The following PARD3B variants were observed in gnomAD, a reference collection of about 807,000 sequenced individuals.
PARD3B encodes the protein partitioning defective 3 homolog B.
PARD3B carries 103 observed loss-of-function variants against 130.2 expected under a neutral mutation model. The ratio of observed to expected loss-of-function variants is 0.79; its 90% CI spans 0.67 to 0.93. PARD3B has a LOEUF of 0.93. PARD3B is among the 40% of genes least tolerant of loss of function. The probability of loss-of-function intolerance (pLI) is 0.00; values close to 1 mark genes in which losing one functional copy is unlikely to be tolerated. For missense variants in PARD3B, 1,609 were observed against 1,499.2 expected (o/e 1.07, Z -1.21); for synonymous variants, 583 against 553.2 (o/e 1.05, Z -0.76).
Position 204,770,808 on chromosome 2 carries a change from T to C in PARD3B, c.222+84526T>C, listed in dbSNP as rs1248324242. ...CCCACCTTCCACCTGTATTAACACC[T>C]GACAGGCACTTATTTCCCTATCAGG... is the stretch of plus-strand genomic sequence containing the variant. On this transcript the variant is annotated intron_variant, in intron 2 of 22. Transcript: ENST00000406610. Among the ~76,000 whole-genome samples the C allele has an allele frequency of 3.9e-5, 6 of 152,036 alleles. No homozygotes were observed. In the East Asian group the frequency reaches 1.2e-3, roughly 29 times the overall value.
intron 3 of PARD3B, among the ~76,000 whole-genome samples, chr2:205,007,543 G>C (rs540748363): frequency 2.4e-4 from 36 of 152,256 alleles, no homozygotes; most frequent in African/African-American, 8.2e-4. Context: ...CTATGTGCCT[G>C]TTTTTATACC....
At chr2:205,363,136 C>G (rs1277633663) in intron 18 of PARD3B, among the ~76,000 whole-genome samples, 2 of 152,156 alleles carry the variant, frequency 1.3e-5, no homozygotes, top group African/African-American at 4.8e-5. Context: ...AAATCAAGCA[C>G]AGGAAGCCAT....
chr2:204,982,781 C>T (rs913191747), intron 3 of PARD3B, among the ~76,000 whole-genome samples: 2 of 152,244 alleles, frequency 1.3e-5, no homozygotes, highest in South Asian at 2.1e-4. Flanking sequence ...CATGTACTCA[C>T]GCTTAAATTG....
chr2:204,722,866 C>A (rs1353589731), intron 2 of PARD3B, among the ~76,000 whole-genome samples: 1 of 151,930 alleles, frequency 6.6e-6, no homozygotes. Flanking sequence ...CTGGCTCTCA[C>A]TTCCACCTTC....
chr2:205,340,246 A>C (rs763121920), intron 18 of PARD3B, among the ~76,000 whole-genome samples: 1 of 152,170 alleles, frequency 6.6e-6, no homozygotes, highest in African/African-American at 2.4e-5. Flanking sequence ...TAAATGAAAT[A>C]GAAAAATTCC....
chr2:204,811,804 A>G (rs1404664132), intron 2 of PARD3B, among the ~76,000 whole-genome samples: 2 of 152,066 alleles, frequency 1.3e-5, no homozygotes, highest in African/African-American at 4.8e-5. Context: ...GTCTGCTATC[A>G]TCTACATTAA....
intron 2 of PARD3B, among the ~76,000 whole-genome samples, chr2:204,945,243 G>T (rs1049341751): frequency 1.3e-5 from 2 of 152,150 alleles, no homozygotes; most frequent in African/African-American, 2.4e-5. Context: ...TTCCTGAGGG[G>T]CTCTGGGTTC....
intron 2 of PARD3B, among the ~76,000 whole-genome samples, chr2:204,879,307 C>CT (rs1412281804): frequency 2.0e-5 from 3 of 152,072 alleles, no homozygotes; most frequent in Non-Finnish European, 2.9e-5. Flanking sequence ...GGTTTTGGTG[C>CT]TTGGGGTAAG....
At position 204,875,358 on chromosome 2, in the gene PARD3B, G is replaced by T. The variant is rs757869343; in HGVS notation, c.223-89794G>T. Among the ~76,000 whole-genome samples the T allele has an allele frequency of 3.9e-5, 6 of 152,208 alleles. No individual in the cohort carries two copies. In the South Asian group the frequency reaches 6.2e-4, roughly 16 times the overall value. On this transcript the variant is annotated intron_variant, in intron 2 of 22. Coordinates refer to ENST00000406610, the MANE Select transcript of PARD3B (RefSeq NM_001302769.2). Reference sequence around the variant, plus strand: ...TTTATATCTGTACACCTTAAGCATAGTGATGGTGTGTTGCCTTCTAGTTTT... The same window carrying T: ...TTTATATCTGTACACCTTAAGCATATTGATGGTGTGTTGCCTTCTAGTTTT...
chr2:204,590,335 G>T (rs928968322), intron 1 of PARD3B, among the ~76,000 whole-genome samples: 3 of 152,168 alleles, frequency 2.0e-5, no homozygotes, highest in African/African-American at 7.2e-5. Flanking sequence ...TCCCATTTGG[G>T]ATTTGATTTC....
intron 3 of PARD3B, among the ~76,000 whole-genome samples, chr2:204,998,442 GTATA>G (rs1255807101): frequency 6.4e-5 from 5 of 78,218 alleles, no homozygotes; most frequent in South Asian, 3.2e-4. Context: ...ATATGTGTGT[GTATA>G]TATATGTGTA....
At chr2:204,555,127 C>T (rs1001421490) in intron 1 of PARD3B, among the ~76,000 whole-genome samples, 1 of 152,172 alleles carries the variant, frequency 6.6e-6, no homozygotes, top group Non-Finnish European at 1.5e-5. Flanking sequence ...GTGGTAAGAA[C>T]TCACTGCTGG....
Position 204,742,465 on chromosome 2 carries a change from G to C in PARD3B, c.222+56183G>C, listed in dbSNP as rs372155246. ...GGTGAGGAGAAAGGGATAGAGTAAG[G>C]GGGCAGGACCTTGGCCTGTAACTTG... On this transcript the variant is annotated intron_variant, in intron 2 of 22. Coordinates refer to ENST00000406610, the MANE Select transcript of PARD3B (RefSeq NM_001302769.2). Among the ~76,000 whole-genome samples the C allele has an allele frequency of 5.2e-4, 79 of 152,228 alleles. 1 individual carries two copies. Among genetic ancestry groups the C allele is most frequent in the African/African-American group, 1.9e-3 (79 of 41,556 alleles).
intron 5 of PARD3B, among the ~76,000 whole-genome samples, chr2:205,113,098 C>T (rs1703756348): frequency 6.6e-6 from 1 of 152,102 alleles, no homozygotes; most frequent in Admixed American, 6.6e-5. Context: ...GCTGAAGCAT[C>T]GATGTGCTTT....
intron 2 of PARD3B, among the ~76,000 whole-genome samples, chr2:204,831,103 CTCT>C (rs1239370484): frequency 1.3e-5 from 2 of 152,066 alleles, no homozygotes; most frequent in Non-Finnish European, 2.9e-5. Context: ...GTTGTCTGAA[CTCT>C]TCTTTATTGC....
At chr2:204,803,877 A>T (rs1171464973) in intron 2 of PARD3B, among the ~76,000 whole-genome samples, 2 of 152,178 alleles carry the variant, frequency 1.3e-5, no homozygotes, top group Non-Finnish European at 2.9e-5. Flanking sequence ...CATTGAATGT[A>T]AATAGACTAA....
chr2:205,425,135 G>A (rs1163486806), intron 19 of PARD3B, among the ~76,000 whole-genome samples: 2 of 152,142 alleles, frequency 1.3e-5, no homozygotes, highest in Admixed American at 1.3e-4. Flanking sequence ...CCTTTTGTAG[G>A]GGGACTGTCT....
intron 21 of PARD3B, among the ~76,000 whole-genome samples, chr2:205,522,499 T>TAAAAAAAATTAAATTA (rs1553536656): frequency 1.5e-4 from 23 of 152,008 alleles, no homozygotes; most frequent in Admixed American, 2.0e-4. Flanking sequence ...CTATTGTCGT[T>TAAAAAAAATTAAATTA]AAAAAAAATT....
At chr2:205,438,287 T>C (rs1362312987) in intron 19 of PARD3B, among the ~76,000 whole-genome samples, 2 of 152,178 alleles carry the variant, frequency 1.3e-5, no homozygotes, top group African/African-American at 4.8e-5. Context: ...AGAAAACCTC[T>C]AAGAAGGAAG....
Sources: gnomAD v4.1 joint callset for allele counts (sites outside exome capture counted in the v4.1 genomes callset) on GRCh38, gnomAD v4.1.1 for gene constraint, MANE v1.5 for transcripts, NCBI Gene and HGNC (gene_info 2026-07-23, HGNC 2026-07-21) for gene names.